Variants in SOX5 observed in about 807,000 individuals in gnomAD.
SOX5 encodes SRY-box transcription factor 5.
In SOX5, 9 loss-of-function variants were observed where a neutral mutation model predicts 92.0. The ratio of observed to expected loss-of-function variants is 0.10; its 90% CI spans 0.06 to 0.17. The LOEUF (loss-of-function observed/expected upper bound fraction) is 0.17, where lower values mean the gene tolerates loss of function less well. Among genes scored for constraint, SOX5 ranks in the 10% least tolerant of loss-of-function variants. The probability of loss-of-function intolerance (pLI) is 1.00; values close to 1 mark genes in which losing one functional copy is unlikely to be tolerated. For missense variants in SOX5, 642 were observed against 944.5 expected, an observed-to-expected ratio of 0.68 and a Z score of 4.20; for synonymous variants, 344 against 336.3, an observed-to-expected ratio of 1.02 and a Z score of -0.25.
chr12:24,386,665 C>G (rs1484691539), intron 1 of SOX5, among the ~76,000 whole-genome samples: 1 of 152,106 alleles, frequency 6.6e-6, no homozygotes, highest in African/African-American at 2.4e-5. Context: ...TTACAATATC[C>G]TACCCCAGGA....
chr12:23,846,777 T>A (rs562186066), intron 2 of SOX5, among the ~76,000 whole-genome samples: 5 of 152,298 alleles, frequency 3.3e-5, no homozygotes, highest in African/African-American at 1.2e-4. Flanking sequence ...TTATTTGACA[T>A]CAGACAAGAA....
chr12:24,340,820 A>G, intron 2 of SOX5, among the ~76,000 whole-genome samples: 1 of 152,228 alleles, frequency 6.6e-6, no homozygotes, highest in East Asian at 1.9e-4. Context: ...TTTTAAGCCC[A>G]GCAAGGGAAG....
At chr12:23,864,954 T>C (rs1361468533) in intron 2 of SOX5, among the ~76,000 whole-genome samples, 1 of 152,168 alleles carries the variant, frequency 6.6e-6, no homozygotes, top group Non-Finnish European at 1.5e-5. Context: ...AATGAAAAAG[T>C]CAGTGCTTGG....
At chr12:24,050,212 A>G (rs1957437312) in intron 4 of SOX5, among the ~76,000 whole-genome samples, 2 of 151,878 alleles carry the variant, frequency 1.3e-5, no homozygotes, top group South Asian at 4.2e-4. Flanking sequence ...AGATTAAATT[A>G]TTTTCTCTCA....
intron 4 of SOX5, among the ~76,000 whole-genome samples, chr12:24,113,628 T>G (rs1947634352): frequency 6.6e-6 from 1 of 152,072 alleles, no homozygotes; most frequent in Non-Finnish European, 1.5e-5. Context: ...GATAAAAAGT[T>G]TAAAAAATGA....
chr12:24,067,340 C>T (rs1223643507), intron 4 of SOX5, among the ~76,000 whole-genome samples: 1 of 152,156 alleles, frequency 6.6e-6, no homozygotes, highest in Non-Finnish European at 1.5e-5. Context: ...ATAGTCAAAA[C>T]AACCATGAAC....
chr12:24,306,053 T>C (rs546298008), intron 2 of SOX5, among the ~76,000 whole-genome samples: 1 of 152,300 alleles, frequency 6.6e-6, no homozygotes, highest in Non-Finnish European at 1.5e-5. Context: ...CTGACCTGTT[T>C]TGAACAGGTT....
chr12:24,442,178 AT>A (rs1448505660), intron 1 of SOX5, among the ~76,000 whole-genome samples: 3 of 152,188 alleles, frequency 2.0e-5, no homozygotes, highest in Non-Finnish European at 2.9e-5. Flanking sequence ...AAAGAGGCAA[AT>A]TTTTGTATAT....
chr12:23,604,570 T>C (rs201438786), intron 8 of SOX5, 37 bp from the exon 9 acceptor site: 17 of 1,592,442 alleles, frequency 1.1e-5, no homozygotes, highest in Non-Finnish European at 1.5e-5. Flanking sequence ...GAAAGAATAC[T>C]GTGAATAATA....
intron 4 of SOX5, among the ~76,000 whole-genome samples, chr12:23,752,200 C>G (rs528266212): frequency 6.6e-6 from 1 of 150,954 alleles, no homozygotes; most frequent in Admixed American, 6.6e-5. Flanking sequence ...GTTTGTGGGC[C>G]TGAATTAATG....
intron 2 of SOX5, among the ~76,000 whole-genome samples, chr12:24,342,360 GATCCAGAACTAATAT>G (rs1482786711): frequency 2.0e-5 from 3 of 151,986 alleles, no homozygotes; most frequent in Admixed American, 1.3e-4. Flanking sequence ...TTTTTTCTGA[GATCCAGAACTAATAT>G]ACCTTCATTA....
chr12:23,777,762 T>C (rs1195225810), intron 3 of SOX5, among the ~76,000 whole-genome samples: 1 of 151,474 alleles, frequency 6.6e-6, no homozygotes, highest in Non-Finnish European at 1.5e-5. Context: ...AAAAAAAAAA[T>C]TGAAAGAAAA....
chr12:24,240,892 A>T (rs1480419563), intron 3 of SOX5, among the ~76,000 whole-genome samples: 2 of 152,186 alleles, frequency 1.3e-5, no homozygotes, highest in Non-Finnish European at 2.9e-5. Context: ...TAGTGTACAG[A>T]TTTTTCTTAA....
At chr12:23,952,582 T>C (rs1388154188), upstream of SOX5, among the ~76,000 whole-genome samples, 2 of 152,232 alleles carry the variant, frequency 1.3e-5, no homozygotes, top group Non-Finnish European at 2.9e-5. Context: ...TTGACTTCAA[T>C]ATATTCTGCA....
At chr12:23,830,886 C>G (rs1357626521) in intron 3 of SOX5, among the ~76,000 whole-genome samples, 1 of 152,116 alleles carries the variant, frequency 6.6e-6, no homozygotes, top group Non-Finnish European at 1.5e-5. Context: ...TAAGAACAAG[C>G]ATTGTGATTT....
intron 6 of SOX5, among the ~76,000 whole-genome samples, chr12:23,724,206 A>T (rs1356765267): frequency 6.6e-6 from 1 of 152,156 alleles, no homozygotes; most frequent in Non-Finnish European, 1.5e-5. Flanking sequence ...TTACTCTTCT[A>T]GTAAGAAGAG....
intron 7 of SOX5, among the ~76,000 whole-genome samples, chr12:23,645,318 T>G (rs1392338733): frequency 6.6e-6 from 1 of 152,016 alleles, no homozygotes; most frequent in Non-Finnish European, 1.5e-5. Context: ...GCTAAAGGAA[T>G]GTAGAGAAGA....
intron 2 of SOX5, among the ~76,000 whole-genome samples, chr12:24,342,269 C>A (rs940954163): frequency 6.6e-6 from 1 of 152,178 alleles, no homozygotes; most frequent in African/African-American, 2.4e-5. Flanking sequence ...CTTTTCTCAC[C>A]ATTGCATTCA....
At chr12:24,398,661 G>A (rs1388769599) in intron 1 of SOX5, among the ~76,000 whole-genome samples, 1 of 152,192 alleles carries the variant, frequency 6.6e-6, no homozygotes. Flanking sequence ...AAAAAAAGAT[G>A]CATTAATAGT....
Sources: gnomAD v4.1 joint callset for allele counts (sites outside exome capture counted in the v4.1 genomes callset) on GRCh38, gnomAD v4.1.1 for gene constraint, MANE v1.5 for transcripts, NCBI Gene and HGNC (gene_info 2026-07-23, HGNC 2026-07-21) for gene names.